ABCA13: variants seen among roughly 807,000 people sequenced by gnomAD.
ABCA13 encodes ATP-binding cassette sub-family A member 13.
Under a neutral mutation model 478.7 loss-of-function variants are expected in ABCA13, and 476 were observed. The ratio of observed to expected loss-of-function variants is 0.99; its 90% confidence interval spans 0.92 to 1.07. The LOEUF is 1.07. Ranked by LOEUF, ABCA13 falls within the 50% of genes least tolerant of loss-of-function variation. The pLI is 0.00. For missense variants in ABCA13, 6,060 were observed against 5,910.6 expected (o/e 1.03, Z -0.83); for synonymous variants, 2,252 against 2,158.9 (o/e 1.04, Z -1.20).
intron 8 of ABCA13, among the ~76,000 whole-genome samples, chr7:48,238,467 C>CTTTT (rs34705800): frequency 6.9e-6 from 1 of 144,962 alleles, no homozygotes; most frequent in African/African-American, 2.5e-5. Flanking sequence ...TGTTGAAGTT[C>CTTTT]TTTTTTTTTT....
intron 55 of ABCA13, among the ~76,000 whole-genome samples, chr7:48,538,255 T>G (rs1248351654): frequency 6.6e-6 from 1 of 151,670 alleles, no homozygotes; most frequent in Non-Finnish European, 1.5e-5. Flanking sequence ...CGCATGCCAC[T>G]GCACCCGACT....
At chr7:48,351,478 G>C (rs1008557234) in intron 30 of ABCA13, among the ~76,000 whole-genome samples, 3 of 152,168 alleles carry the variant, frequency 2.0e-5, no homozygotes. Flanking sequence ...TATGAGGAGA[G>C]AATCTTCTCT....
chr7:48,572,269 C>A (rs1269264202), intron 55 of ABCA13, among the ~76,000 whole-genome samples: 1 of 151,860 alleles, frequency 6.6e-6, no homozygotes, highest in Admixed American at 6.6e-5. Context: ...TAAGAAAGTT[C>A]TTTTATATTT....
At chr7:48,181,215 G>GT (rs1795657491) in intron 1 of ABCA13, among the ~76,000 whole-genome samples, 1 of 152,130 alleles carries the variant, frequency 6.6e-6, no homozygotes, top group Admixed American at 6.5e-5. Context: ...AGGAGTTAGT[G>GT]TAAGAATGAA....
At chr7:48,277,002 A>G (rs1160020783) in intron 17 of ABCA13, among the ~76,000 whole-genome samples, 1 of 152,220 alleles carries the variant, frequency 6.6e-6, no homozygotes, top group African/African-American at 2.4e-5. Flanking sequence ...AAAAATTGAT[A>G]ATCACATTAT....
intron 54 of ABCA13, among the ~76,000 whole-genome samples, chr7:48,527,094 G>A (rs1585707206): frequency 6.6e-6 from 1 of 152,152 alleles, no homozygotes; most frequent in Non-Finnish European, 1.5e-5. Context: ...AAAGGTGGGA[G>A]GACAGGGTAT....
chr7:48,226,295 C>G (rs1457537973), intron 5 of ABCA13, among the ~76,000 whole-genome samples: 2 of 151,996 alleles, frequency 1.3e-5, no homozygotes, highest in African/African-American at 4.8e-5. Flanking sequence ...TGCCGAAAAG[C>G]ATGGTAGTGT....
rs117022697 is a variant in ABCA13 at position 48,271,888 on chromosome 7, A to C, written c.2222A>C (p.Glu741Ala). The change falls in exon 17 of 62, where the codon GAG becomes GCG. Residue 741 changes from glutamate to alanine, a missense_variant. Physicochemically the swap from Glu to Ala is moderately radical, Grantham distance 107. Transcript: ENST00000435803. ...NFLLSFVEFF[E>A]KLLLPNLFDS... The stretch of plus-strand genomic sequence containing the variant: ...CTTTTATCATTTGTGGAATTTTTTG[A>C]GAAATTATTGTTGCCTAATCTTTTT... The C allele has an allele frequency of 2.2e-3, 3,574 of 1,612,134 alleles. 112 individuals carry two copies. The East Asian group carries it at 0.071, about 32-fold the overall frequency.
In ABCA13 at chr7:48,178,977, A is replaced by G. The variant is rs1295102125; in HGVS notation, c.69+7425A>G. On this transcript the variant is annotated intron_variant, in intron 1 of 61. Transcript: ENST00000435803. ...GTGGCTTCTGTGCAAAACAAAAACT[A>G]ATAATAATAATAATAATAATAATAA... is the stretch of plus-strand genomic sequence containing the variant. Among the ~76,000 whole-genome samples, 4 of 36,264 alleles carry G rather than the reference A, an allele frequency of 1.1e-4. No individual in the cohort carries two copies. In the East Asian group the frequency reaches 2.2e-3, roughly 20 times the overall value. 23.8% of individuals were successfully genotyped at this position (36,264 alleles called of 152,430 possible).
In ABCA13 at chr7:48,239,515, A is replaced by G. The variant is rs1790491587; in HGVS notation, c.1062+110A>G. 13 of 1,308,452 alleles carry G rather than the reference A, an allele frequency of 9.9e-6. No individual in the cohort carries two copies. The Admixed American group carries it at 2.5e-4, about 25-fold the overall frequency. 81.1% of individuals were successfully genotyped at this position (1,308,452 alleles called of 1,614,324 possible). A position where few individuals can be genotyped will look rare whatever the true frequency, so the allele number is the denominator to read the frequency against. ...TTACTGTTGGATTTTATGTCCCTCC[A>G]AGGAAAGGGCCTTAGGAGCCCCACA... On this transcript the variant is annotated intron_variant, in intron 9 of 61. Coordinates refer to ENST00000435803, the MANE Select transcript of ABCA13 (RefSeq NM_152701.5).
intron 59 of ABCA13, among the ~76,000 whole-genome samples, chr7:48,620,168 G>A (rs1792998582): frequency 1.4e-5 from 2 of 143,800 alleles, no homozygotes; most frequent in African/African-American, 5.4e-5. Flanking sequence ...TGAGGAAATA[G>A]CGAAATATCT....
chr7:48,403,720 A>C lies in ABCA13; in HGVS notation c.11911A>C (p.Lys3971Gln), dbSNP rs764706680. ...QDVDLTQHQH[K>Q]QTRALSGGLK... ...TGTGGACTTAACTCAGCATCAGCAC[A>C]AACAGACCCGAGCTCTGTCTGGAGG... Residue 3971 changes from lysine to glutamine, a missense_variant, in exon 39 of 62, where the codon AAA (lysine) becomes CAA (glutamine). Physicochemically the swap from Lys to Gln is moderately conservative, Grantham distance 53. This residue lies in a region of ABCA13 where 1,627 missense variants were observed against 1,571.0 expected (regional missense o/e 1.04). Coordinates refer to ENST00000435803, the MANE Select transcript of ABCA13 (RefSeq NM_152701.5). The C allele has an allele frequency of 6.2e-7, 1 of 1,614,034 alleles. No homozygotes were observed. Among genetic ancestry groups the C allele is most frequent in the Non-Finnish European group, 8.5e-7 (1 of 1,179,888 alleles).
At chr7:48,282,893 C>T (rs1797241800) in intron 19 of ABCA13, among the ~76,000 whole-genome samples, 1 of 152,108 alleles carries the variant, frequency 6.6e-6, no homozygotes, top group South Asian at 2.1e-4. Flanking sequence ...AAACCTGGCA[C>T]ATGGGGATTA....
chr7:48,592,089 T>G (rs572541575), intron 57 of ABCA13, among the ~76,000 whole-genome samples: 2 of 152,020 alleles, frequency 1.3e-5, no homozygotes, highest in South Asian at 4.1e-4. Flanking sequence ...AGTTGTGGGC[T>G]TATGATATAT....
intron 55 of ABCA13, among the ~76,000 whole-genome samples, chr7:48,554,133 A>G (rs556444749): frequency 1.3e-5 from 2 of 151,888 alleles, no homozygotes; most frequent in South Asian, 4.1e-4. Flanking sequence ...TGAATTTCCT[A>G]TGGGTGTATG....
At chr7:48,178,757 T>C (rs941081577) in intron 1 of ABCA13, among the ~76,000 whole-genome samples, 1 of 150,402 alleles carries the variant, frequency 6.6e-6, no homozygotes, top group Non-Finnish European at 1.5e-5. Flanking sequence ...CTTCTAAAGG[T>C]ATGGAAAACT....
intron 55 of ABCA13, among the ~76,000 whole-genome samples, chr7:48,534,817 G>A (rs550867234): frequency 7.9e-5 from 12 of 152,180 alleles, no homozygotes; most frequent in East Asian, 5.8e-4. Context: ...TTTCCAGTGC[G>A]TGTTGCATTT....
Position 48,313,142 on chromosome 7 carries a change from G to A in ABCA13, c.9592G>A (p.Ala3198Thr). The A allele has an allele frequency of 6.2e-7, 1 of 1,612,942 alleles. No homozygotes were observed. The highest frequency in any genetic ancestry group is 8.5e-7 in the Non-Finnish European group (1 of 1,179,410). ...DIVSSLSALLAKAQHVFEYLP... is the reference protein window; with the variant it reads ...DIVSSLSALLTKAQHVFEYLP... ...AGTTTCCAGCCTCAGCGCCTTGCTT[G>A]CCAAAGCCCAGCACGTCTTTGAGTA... is the stretch of plus-strand genomic sequence containing the variant. Residue 3198 changes from alanine to threonine, a missense_variant, in exon 25 of 62, where the codon GCC (alanine) becomes ACC (threonine). Ala to Thr is a moderately conservative substitution (Grantham distance 58). This residue lies in a region of ABCA13 where 4,423 missense variants were observed against 4,309.1 expected (regional missense o/e 1.03). Transcript: ENST00000435803.
intron 43 of ABCA13, among the ~76,000 whole-genome samples, chr7:48,455,605 C>A (rs35377328): frequency 1.3e-5 from 2 of 152,116 alleles, no homozygotes; most frequent in African/African-American, 2.4e-5. Flanking sequence ...GCACGCCCTG[C>A]CCCACAGGAG....
Sources: allele counts gnomAD v4.1 joint callset (sites outside exome capture counted in the v4.1 genomes callset), GRCh38; gene constraint gnomAD v4.1.1; regional missense constraint gnomAD v4.1.1; transcripts MANE v1.5; gene names NCBI Gene and HGNC (gene_info 2026-07-23, HGNC 2026-07-21).